The following PHACTR3 variants were observed in gnomAD, a reference collection of about 807,000 sequenced individuals.
The protein encoded by PHACTR3 is protein phosphatase 1, regulatory subunit 123.
PHACTR3 carries 16 observed loss-of-function variants against 66.8 expected under a neutral mutation model. The observed-to-expected ratio is 0.24, with a 90% confidence interval of 0.16 to 0.36. PHACTR3 has a LOEUF of 0.36. Among genes scored for constraint, PHACTR3 ranks in the 10% least tolerant of loss-of-function variants. PHACTR3 has a pLI of 1.00. For synonymous variants in PHACTR3, 323 were observed against 292.1 expected (o/e 1.11, Z -1.08); for missense variants, 647 against 719.9 (o/e 0.90, Z 1.16).
At chr20:59,692,260 C>T (rs926851954) in intron 1 of PHACTR3, among the ~76,000 whole-genome samples, 23 of 152,218 alleles carry the variant, frequency 1.5e-4, no homozygotes, top group African/African-American at 2.9e-4. Flanking sequence ...CTGTACCCAA[C>T]GGGGCCACTG....
At chr20:59,728,334 A>G (rs2146708824) in intron 1 of PHACTR3, among the ~76,000 whole-genome samples, 1 of 152,144 alleles carries the variant, frequency 6.6e-6, no homozygotes. Context: ...ATTGTGGAAA[A>G]CAATTGGGTG....
intron 11 of PHACTR3, among the ~76,000 whole-genome samples, chr20:59,842,569 T>TCAGTCTCATCA (rs2059082695): frequency 6.6e-6 from 1 of 152,186 alleles, no homozygotes. Context: ...TTTGATGTTT[T>TCAGTCTCATCA]CAGTCTCATC....
At chr20:59,760,703 G>A (rs2039968416) in intron 4 of PHACTR3, among the ~76,000 whole-genome samples, 2 of 152,126 alleles carry the variant, frequency 1.3e-5, no homozygotes, top group South Asian at 4.2e-4. Context: ...CATGAAAACG[G>A]ACTAATAAGT....
At chr20:59,775,321 G>A (rs1014375276) in intron 7 of PHACTR3, among the ~76,000 whole-genome samples, 3 of 152,164 alleles carry the variant, frequency 2.0e-5, no homozygotes, top group African/African-American at 4.8e-5. Flanking sequence ...GTCCGTTGCT[G>A]TTCTTCCTGG....
At position 59,830,903 on chromosome 20, in the gene PHACTR3, C is replaced by G. The variant is rs554118508; in HGVS notation, c.1329-5602C>G. On this transcript the variant is annotated intron_variant, in intron 8 of 12. Transcript: ENST00000371015. This position sits in a 1 kb window ranked among gnomAD's most constrained non-coding sequence, Gnocchi z 5.8. ...TGACTGTGGAATAGACAGTTGACAG[C>G]CTCCACAGACCTGGAAATGTGGGTG... 1.3e-5 allele frequency among the ~76,000 whole-genome samples: 2 copies of G among 152,132 alleles called. No homozygotes were observed. The highest frequency in any genetic ancestry group is 4.8e-5 in the African/African-American group (2 of 41,432).
At chr20:59,844,455 A>G (rs1224093612) in intron 11 of PHACTR3, 1 of 152,148 alleles carries the variant, frequency 6.6e-6, no homozygotes, top group Non-Finnish European at 1.5e-5. Context: ...TAGTGCGTGT[A>G]TATATGTATA....
Position 59,847,188 on chromosome 20 carries a change from A to AT in PHACTR3, c.*59dup. On this transcript the variant is annotated 3_prime_UTR_variant, in exon 13 of 13. Coordinates refer to ENST00000371015, the MANE Select transcript of PHACTR3 (RefSeq NM_080672.5). ...TTTTTGATACCAACACTGAACATTC[A>AT]TCAGGGAACTTTCCTGAAGTTCAGC... 2 of 1,317,852 alleles carry AT rather than the reference A, an allele frequency of 1.5e-6. No homozygotes were observed. The highest frequency in any genetic ancestry group is 1.1e-6 in the Non-Finnish European group (1 of 924,782). The allele number at this position is 1,317,852 out of a possible 1,614,324, so 81.6% of individuals were successfully genotyped here.
At chr20:59,754,499 C>G (rs914581875) in intron 3 of PHACTR3, among the ~76,000 whole-genome samples, 1 of 152,232 alleles carries the variant, frequency 6.6e-6, no homozygotes, top group South Asian at 2.1e-4. Flanking sequence ...TACTAACCTC[C>G]ACCTTGCCAG....
intron 8 of PHACTR3, among the ~76,000 whole-genome samples, chr20:59,831,394 TG>T (rs2042371602): frequency 6.6e-6 from 1 of 152,198 alleles, no homozygotes; most frequent in Admixed American, 6.5e-5. Context: ...TGCTGCTCTC[TG>T]TCCCTGGGGT....
rs1450066388 is a variant in PHACTR3, at chr20:59,829,312, G to A, written c.1329-7193G>A. The stretch of plus-strand genomic sequence containing the variant: ...ACATCCCTGCTTGCTGTTTCCTAGT[G>A]TGGACACACTCCATCCCCTCTGCCT... On this transcript the variant is annotated intron_variant, in intron 8 of 12. Transcript: ENST00000371015. The surrounding 1 kb of genome is among the most constrained non-coding windows in gnomAD (Gnocchi z 4.2). Among the ~76,000 whole-genome samples the A allele has an allele frequency of 6.6e-6, 1 of 152,154 alleles. No individual in the cohort carries two copies. The highest frequency in any genetic ancestry group is 2.4e-5 in the African/African-American group (1 of 41,454).
chr20:59,821,856 C>T (rs1356190682), intron 8 of PHACTR3, among the ~76,000 whole-genome samples: 1 of 135,218 alleles, frequency 7.4e-6, no homozygotes, highest in Non-Finnish European at 1.7e-5. Flanking sequence ...CACACTGGGC[C>T]AGGGAGGTGA....
chr20:59,817,441 C>T (rs1301257244), intron 8 of PHACTR3, among the ~76,000 whole-genome samples: 1 of 152,262 alleles, frequency 6.6e-6, no homozygotes. Flanking sequence ...AAACAAGCTA[C>T]TCCTAAAGCT....
At chr20:59,827,065 C>G (rs1331743024) in intron 8 of PHACTR3, among the ~76,000 whole-genome samples, 1 of 152,092 alleles carries the variant, frequency 6.6e-6, no homozygotes, top group Non-Finnish European at 1.5e-5. Context: ...CTGAGAGTCC[C>G]CAGATGGAAG....
intron 8 of PHACTR3, among the ~76,000 whole-genome samples, chr20:59,826,106 G>A (rs2042183319): frequency 6.6e-6 from 1 of 151,760 alleles, no homozygotes; most frequent in Non-Finnish European, 1.5e-5. Flanking sequence ...TTAGGGGACT[G>A]TGTTGTAGCA....
At chr20:59,783,390 G>A (rs1462922398) in intron 7 of PHACTR3, among the ~76,000 whole-genome samples, 8 of 152,170 alleles carry the variant, frequency 5.3e-5, no homozygotes, top group Non-Finnish European at 1.2e-4. Context: ...GGAACGCACA[G>A]CCCCAGTGAC....
intron 7 of PHACTR3, among the ~76,000 whole-genome samples, chr20:59,797,620 G>A (rs1764314006): frequency 6.6e-6 from 1 of 152,178 alleles, no homozygotes; most frequent in Admixed American, 6.5e-5. Context: ...CAATGCCTGT[G>A]AGTACCTCTG....
intron 1 of PHACTR3, among the ~76,000 whole-genome samples, chr20:59,632,424 C>A (rs2034702125): frequency 6.6e-6 from 1 of 152,140 alleles, no homozygotes; most frequent in South Asian, 2.1e-4. Flanking sequence ...AGTTGAAGCG[C>A]TTGGAAAGAG....
chr20:59,793,385 A>T (rs1323010243), intron 7 of PHACTR3, among the ~76,000 whole-genome samples: 1 of 152,210 alleles, frequency 6.6e-6, no homozygotes, highest in Non-Finnish European at 1.5e-5. Context: ...TAATATGGGC[A>T]TTTTAGCAAT....
chr20:59,639,041 G>A (rs2035004924), intron 1 of PHACTR3, among the ~76,000 whole-genome samples: 1 of 143,882 alleles, frequency 7.0e-6, no homozygotes, highest in African/African-American at 2.6e-5. Flanking sequence ...ATGGACAGAT[G>A]GATAAATGGA....
Sources: allele counts gnomAD v4.1 joint callset (sites outside exome capture counted in the v4.1 genomes callset), GRCh38; gene constraint gnomAD v4.1.1; non-coding constraint Gnocchi (gnomAD v3.1); transcripts MANE v1.5; gene names NCBI Gene and HGNC (gene_info 2026-07-23, HGNC 2026-07-21).